Variants in DSE observed in about 807,000 individuals in gnomAD.
DSE encodes the protein dermatan-sulfate epimerase.
In DSE, 36 loss-of-function variants were observed where a neutral mutation model predicts 84.4. The observed-to-expected ratio is 0.43, with a 90% CI of 0.33 to 0.56. DSE has a LOEUF of 0.56. DSE is among the 20% of genes least tolerant of loss of function. The pLI is 0.06. For synonymous variants in DSE, 410 were observed against 430.1 expected (o/e 0.95, Z 0.58); for missense variants, 862 against 1,169.6 (o/e 0.74, Z 3.84).
At position 116,436,317 on chromosome 6, in the gene DSE, T is replaced by C; in HGVS notation, c.1849T>C (p.Tyr617His). 1 of 1,614,126 alleles carries C rather than the reference T, an allele frequency of 6.2e-7. No individual in the cohort carries two copies. Among genetic ancestry groups the C allele is most frequent in the Non-Finnish European group, 8.5e-7 (1 of 1,180,008 alleles). Residue 617 changes from tyrosine (Y) to histidine (H), a missense_variant, in exon 6 of 6, where the codon TAC (tyrosine) becomes CAC (histidine). Around this residue, in one of 4 missense-constraint regions of DSE, gnomAD observed 186 missense variants for 255.1 expected, o/e 0.73. Transcript: ENST00000644252. ...GCAGAGAGATGGTCTCTATAAAATG[T>C]ACTGGATGGACGATACTGGCTACAG... is the stretch of plus-strand genomic sequence containing the variant. ...IRQRDGLYKM[Y>H]WMDDTGYSEK... is the part of the protein sequence containing the mutation.
In DSE at chr6:116,435,972, G is replaced by C; in HGVS notation, c.1504G>C (p.Val502Leu). Residue 502 changes from valine (V) to leucine (L), a missense_variant, in exon 6 of 6, where the codon GTC becomes CTC. Physicochemically the swap from Val to Leu is conservative, Grantham distance 32. Coordinates refer to ENST00000644252, the MANE Select transcript of DSE (RefSeq NM_013352.4). ...CTGCTTTTCTCCCTGGGTGGGTCAG[G>C]TCACAGAAGACTGCTCATCAAAATG... The part of the protein sequence containing the change: ...KSCFSPWVGQ[V>L]TEDCSSKWSK... 1 of 1,614,158 alleles carries C rather than the reference G, an allele frequency of 6.2e-7. No homozygotes were observed.
intron 1 of DSE, among the ~76,000 whole-genome samples, chr6:116,384,464 C>T (rs750125861): frequency 2.6e-5 from 4 of 152,226 alleles, no homozygotes; most frequent in Non-Finnish European, 5.9e-5. Flanking sequence ...ACCTAGCAGC[C>T]TGAGGTGGAC....
At chr6:116,326,437 G>A (rs1406517156) in intron 2 of DSE, among the ~76,000 whole-genome samples, 2 of 152,060 alleles carry the variant, frequency 1.3e-5, no homozygotes, top group African/African-American at 4.8e-5. Flanking sequence ...TGTGATATTT[G>A]TGCCAGTTCA....
chr6:116,389,527 T>G (rs1161727558), intron 1 of DSE, among the ~76,000 whole-genome samples: 2 of 152,294 alleles, frequency 1.3e-5, no homozygotes, highest in East Asian at 3.9e-4. Flanking sequence ...GACAAACAAC[T>G]GTGACCCCAT....
At chr6:116,254,232 G>T (rs546614990) in exon 1 of DSE, 19 of 706,310 alleles carry the variant, frequency 2.7e-5, no homozygotes, top group East Asian at 2.2e-4. Flanking sequence ...GTCACAAAAA[G>T]AATTTCGTCA....
Position 116,370,959 on chromosome 6 carries a change from C to G in DSE, c.-216C>G. ...CGGCCCGGCTCTCAGTAGCGTCGCC[C>G]GAGGCTGCAGCAGCGCATCCCGGGG... On this transcript the variant is annotated 5_prime_UTR_variant, in exon 1 of 6. Coordinates refer to ENST00000644252, the MANE Select transcript of DSE (RefSeq NM_013352.4). 1.0e-6 allele frequency: 1 copy of G among 985,270 alleles called. No individual in the cohort carries two copies. Among genetic ancestry groups the G allele is most frequent in the Non-Finnish European group, 1.2e-6 (1 of 829,978 alleles). The allele number at this position is 985,270 out of a possible 1,614,324, so 61.0% of individuals were successfully genotyped here.
intron 2 of DSE, chr6:116,259,026 G>A: frequency 6.6e-7 from 1 of 1,506,714 alleles, no homozygotes; most frequent in South Asian, 1.1e-5. Context: ...AAATGTCACT[G>A]ATGTGCACAT....
At chr6:116,422,975 A>G (rs1276965418) in intron 2 of DSE, 1 of 152,224 alleles carries the variant, frequency 6.6e-6, no homozygotes, top group African/African-American at 2.4e-5. Flanking sequence ...AATAGTGTAA[A>G]TATTTCCTCA....
intron 2 of DSE, among the ~76,000 whole-genome samples, chr6:116,289,424 A>G (rs57347046): frequency 0.066 from 10,097 of 152,034 alleles, 672 homozygotes; most frequent in African/African-American, 0.17. Flanking sequence ...AAGATTAAGC[A>G]ATTTCATGCA....
chr6:116,360,808 C>A (rs1014621332), intron 2 of DSE, among the ~76,000 whole-genome samples: 6 of 151,716 alleles, frequency 4.0e-5, no homozygotes, highest in South Asian at 4.2e-4. Flanking sequence ...TTTTTTAATG[C>A]CTTGCATGCC....
chr6:116,290,737 A>G (rs576940012), intron 2 of DSE, among the ~76,000 whole-genome samples: 3 of 152,274 alleles, frequency 2.0e-5, no homozygotes, highest in South Asian at 2.1e-4. Context: ...CACTTAGTAT[A>G]TCATCTACCC....
intron 1 of DSE, among the ~76,000 whole-genome samples, chr6:116,389,940 A>G (rs528204821): frequency 1.3e-5 from 2 of 151,490 alleles, no homozygotes; most frequent in Non-Finnish European, 3.0e-5. Flanking sequence ...AGAGTAATAC[A>G]GTACTACAGT....
At chr6:116,313,987 T>C (rs1775833776) in intron 2 of DSE, among the ~76,000 whole-genome samples, 1 of 152,242 alleles carries the variant, frequency 6.6e-6, no homozygotes, top group South Asian at 2.1e-4. Context: ...TGTTTTCTGT[T>C]GTTTTCAGAG....
chr6:116,266,013 G>A (rs890729957), intron 2 of DSE, among the ~76,000 whole-genome samples: 1 of 152,170 alleles, frequency 6.6e-6, no homozygotes, highest in African/African-American at 2.4e-5. Flanking sequence ...CGTGAGAGTA[G>A]GTTGCTCCTT....
chr6:116,301,316 C>G (rs899005908), intron 2 of DSE, among the ~76,000 whole-genome samples: 3 of 152,106 alleles, frequency 2.0e-5, no homozygotes, highest in Admixed American at 1.3e-4. Flanking sequence ...TTCTCTTCCT[C>G]GGAGATGATG....
intron 2 of DSE, among the ~76,000 whole-genome samples, chr6:116,264,491 A>T (rs146707730): frequency 4.7e-4 from 72 of 152,102 alleles, no homozygotes; most frequent in African/African-American, 1.7e-3. Context: ...TTGTTTTATC[A>T]TTATTTTCAG....
At chr6:116,367,780 ACTT>A (rs1340560818), upstream of DSE, among the ~76,000 whole-genome samples, 3 of 152,212 alleles carry the variant, frequency 2.0e-5, no homozygotes, top group Non-Finnish European at 2.9e-5. Flanking sequence ...CTAAAGCTTA[ACTT>A]CTTCTTGCCT....
chr6:116,318,466 C>T (rs572605983), intron 2 of DSE, among the ~76,000 whole-genome samples: 5 of 151,750 alleles, frequency 3.3e-5, no homozygotes, highest in East Asian at 1.9e-4. Context: ...TGCACCACTG[C>T]GCTCCAGGCT....
Position 116,258,709 on chromosome 6 carries a change from C to T in DSE, c.-312C>T, listed in dbSNP as rs779813509. 19 of 1,604,710 alleles carry T rather than the reference C, an allele frequency of 1.2e-5. No individual in the cohort carries two copies. In the African/African-American group the frequency reaches 1.2e-4, roughly 10 times the overall value. On this transcript the variant is annotated 5_prime_UTR_variant, in exon 2 of 4. Coordinates refer to the DSE transcript ENST00000430252. ...AAGTGGGGACACGTCCACAGCCTGT[C>T]GTCTCACAGTCCCGGCGCACCCAAT...
Sources: gnomAD v4.1 joint callset for allele counts (sites outside exome capture counted in the v4.1 genomes callset) on GRCh38, gnomAD v4.1.1 for gene constraint, gnomAD v4.1.1 regional missense constraint, MANE v1.5 for transcripts, NCBI Gene and HGNC (gene_info 2026-07-23, HGNC 2026-07-21) for gene names.